PLOD2: variants seen among roughly 807,000 people sequenced by gnomAD.
PLOD2 encodes the protein lysine hydroxylase 2.
PLOD2 carries 65 observed loss-of-function variants against 101.0 expected under a neutral mutation model. The observed-to-expected ratio is 0.64, with a 90% CI of 0.53 to 0.79. PLOD2 has a LOEUF of 0.79. Among genes scored for constraint, PLOD2 ranks in the 30% least tolerant of loss-of-function variants. The pLI is 0.00. For missense variants in PLOD2, 909 were observed against 914.6 expected, an observed-to-expected ratio of 0.99 and a Z score of 0.08; for synonymous variants, 314 against 302.9, an observed-to-expected ratio of 1.04 and a Z score of -0.38.
At chr3:146,124,358 C>G (rs1209808035) in intron 1 of PLOD2, 129 bp from the exon 2 acceptor site, 5 of 599,714 alleles carry the variant, frequency 8.3e-6, no homozygotes, top group Admixed American at 2.8e-5. Context: ...CTACACAAGA[C>G]TAAACAAAGA....
At chr3:146,125,828 A>C (rs900723049) in intron 1 of PLOD2, among the ~76,000 whole-genome samples, 7 of 152,194 alleles carry the variant, frequency 4.6e-5, no homozygotes, top group African/African-American at 1.7e-4. Context: ...TGATTATGAA[A>C]ATTTAACATT....
rs763342204 is a variant in PLOD2 at position 146,086,781 on chromosome 3, A to G, written c.1127+6T>C. The stretch of plus-strand genomic sequence containing the variant: ...TTTAATTTAATTTTAATTTATTAAA[A>G]CATACATTCCCATGTTTCTGGCTTC... On this transcript the variant is annotated splice_donor_region_variant and intron_variant, in intron 10 of 19. Transcript: ENST00000282903. 4 of 1,429,138 alleles carry G rather than the reference A, an allele frequency of 2.8e-6. No individual in the cohort carries two copies. In the South Asian group the frequency reaches 5.8e-5, roughly 21 times the overall value. The allele number at this position is 1,429,138 out of a possible 1,614,324, so 88.5% of individuals were successfully genotyped here.
At chr3:146,086,752 A>G (rs1936787079) in intron 10 of PLOD2, 35 bp downstream of exon 10, 1 of 1,314,394 alleles carries the variant, frequency 7.6e-7, no homozygotes. Flanking sequence ...CCTTAGTAAA[A>G]TAATTTAATT....
Position 146,161,007 on chromosome 3 carries a change from C to A in PLOD2, c.-18G>T. ...CCCCCCATATTCGGCCCTCGAGGGC[C>A]GCGCGGGCTCAGGCGCCCACGGCCC... On this transcript the variant is annotated 5_prime_UTR_variant, in exon 1 of 20. Transcript: ENST00000282903. 2.0e-6 allele frequency: 3 copies of A among 1,522,868 alleles called. No homozygotes were observed. Among genetic ancestry groups the A allele is most frequent in the Middle Eastern group, 1.9e-4 (1 of 5,356 alleles). 94.3% of individuals were successfully genotyped at this position (1,522,868 alleles called of 1,614,324 possible).
At chr3:146,122,023 T>C (rs1327024226) in intron 2 of PLOD2, among the ~76,000 whole-genome samples, 1 of 152,158 alleles carries the variant, frequency 6.6e-6, no homozygotes, top group Admixed American at 6.6e-5. Context: ...TATAATGATC[T>C]ACTAAGAGAT....
At chr3:146,103,004 C>A in intron 6 of PLOD2, 152 bp from the exon 7 acceptor site, 1 of 588,398 alleles carries the variant, frequency 1.7e-6, no homozygotes, top group East Asian at 3.0e-5. Flanking sequence ...CTAGTAACTT[C>A]ATCTACTCCA....
chr3:146,085,535 G>A, intron 10 of PLOD2: 1 of 504,066 alleles, frequency 2.0e-6, no homozygotes, highest in Non-Finnish European at 3.5e-6. Flanking sequence ...AATATTTTAA[G>A]GCATAAAACA....
chr3:146,072,440 A>G (rs1936177419), intron 17 of PLOD2, 121 bp downstream of exon 17: 1 of 733,428 alleles, frequency 1.4e-6, no homozygotes, highest in Non-Finnish European at 2.4e-6. Flanking sequence ...TTGGCTAGCC[A>G]ATTTATCTAA....
At chr3:146,129,631 C>A (rs963284758) in intron 1 of PLOD2, among the ~76,000 whole-genome samples, 1 of 152,142 alleles carries the variant, frequency 6.6e-6, no homozygotes, top group Non-Finnish European at 1.5e-5. Flanking sequence ...TAGGCAGCAT[C>A]TCACACATAT....
At chr3:146,077,831 C>T (rs1936397902) in intron 14 of PLOD2, 31 bp downstream of exon 14, 2 of 1,368,640 alleles carry the variant, frequency 1.5e-6, no homozygotes, top group Non-Finnish European at 2.1e-6. Context: ...ATTAAATAAA[C>T]AAAAATAAAT....
intron 7 of PLOD2, among the ~76,000 whole-genome samples, chr3:146,093,071 TAG>T (rs1477891090): frequency 1.3e-5 from 2 of 152,156 alleles, no homozygotes; most frequent in Admixed American, 1.3e-4. Flanking sequence ...AAGTGTCAAC[TAG>T]AGTTTTCTAG....
chr3:146,154,204 ATTTGT>A (rs1391254671), intron 1 of PLOD2, among the ~76,000 whole-genome samples: 1 of 152,156 alleles, frequency 6.6e-6, no homozygotes. Context: ...CAAGACTTTT[ATTTGT>A]ATTAAAAGTC....
chr3:146,091,852 T>A lies in PLOD2; in HGVS notation c.827A>T (p.Asp276Val), dbSNP rs1936981299. Reference sequence around the variant, plus strand: ...GAATTCACAAAGAGTGCAGCCATTATCCTGTGTCCATGAATTGGGTACATA... The same window carrying A: ...GAATTCACAAAGAGTGCAGCCATTAACCTGTGTCCATGAATTGGGTACATA... ...GNYVPNSWTQ[D>V]NGCTLCEFDT... The change falls in exon 8 of 20, where the codon GAT becomes GTT. Residue 276 changes from aspartate (D) to valine (V), a missense_variant. Transcript: ENST00000282903. 3 of 1,608,666 alleles carry A rather than the reference T, an allele frequency of 1.9e-6. No individual in the cohort carries two copies. Among genetic ancestry groups the A allele is most frequent in the Non-Finnish European group, 2.6e-6 (3 of 1,175,192 alleles).
At chr3:146,097,212 C>A (rs1314909960) in intron 7 of PLOD2, among the ~76,000 whole-genome samples, 1 of 151,084 alleles carries the variant, frequency 6.6e-6, no homozygotes, top group African/African-American at 2.4e-5. Flanking sequence ...CCGCCCCATC[C>A]GGGAGGTGAG....
intron 1 of PLOD2, among the ~76,000 whole-genome samples, chr3:146,126,333 A>C (rs1001654820): frequency 7.2e-5 from 10 of 138,342 alleles, no homozygotes; most frequent in African/African-American, 2.5e-4. Flanking sequence ...GACTATGATA[A>C]GAAAAAAATC....
chr3:146,157,105 A>G (rs1415944722), intron 1 of PLOD2, among the ~76,000 whole-genome samples: 2 of 152,166 alleles, frequency 1.3e-5, no homozygotes, highest in Non-Finnish European at 2.9e-5. Context: ...CCAAGCAGAG[A>G]AAGGAAGCTC....
chr3:146,138,653 G>A (rs952267585), intron 1 of PLOD2, among the ~76,000 whole-genome samples: 9 of 152,138 alleles, frequency 5.9e-5, no homozygotes, highest in African/African-American at 1.9e-4. Context: ...GGGAAAATGA[G>A]ATGAGTTCAG....
chr3:146,072,274 AC>A (rs869146402), intron 17 of PLOD2, among the ~76,000 whole-genome samples: 4 of 109,010 alleles, frequency 3.7e-5, no homozygotes, highest in African/African-American at 1.4e-4. Context: ...CTCTGTAAAG[AC>A]ATGTGTTACC....
intron 7 of PLOD2, among the ~76,000 whole-genome samples, chr3:146,094,472 C>A (rs1407619252): frequency 6.6e-6 from 1 of 152,072 alleles, no homozygotes; most frequent in East Asian, 1.9e-4. Flanking sequence ...TATGAGTGAA[C>A]TTCCATTCAC....
Sources: gnomAD v4.1 joint callset for allele counts (sites outside exome capture counted in the v4.1 genomes callset) on GRCh38, gnomAD v4.1.1 for gene constraint, MANE v1.5 for transcripts, NCBI Gene and HGNC (gene_info 2026-07-23, HGNC 2026-07-21) for gene names.